UNC5C: variants seen among roughly 807,000 people sequenced by gnomAD.
UNC5C encodes unc-5 netrin receptor C, also known as netrin receptor UNC5C.
UNC5C carries 47 observed loss-of-function variants against 99.8 expected under a neutral mutation model. The ratio of observed to expected loss-of-function variants is 0.47; its 90% confidence interval spans 0.37 to 0.60. The LOEUF (loss-of-function observed/expected upper bound fraction) is 0.60. Among genes scored for constraint, UNC5C ranks in the 20% least tolerant of loss-of-function variants. UNC5C has a pLI of 0.00. For synonymous variants in UNC5C, 487 were observed against 452.2 expected, an observed-to-expected ratio of 1.08 and a Z score of -0.98; for missense variants, 1,062 against 1,165.9, an observed-to-expected ratio of 0.91 and a Z score of 1.30.
At chr4:95,373,854 A>G (rs1164570315) in intron 1 of UNC5C, among the ~76,000 whole-genome samples, 8 of 152,198 alleles carry the variant, frequency 5.3e-5, no homozygotes, top group Admixed American at 2.0e-4. Flanking sequence ...AGGAGTAAAA[A>G]TTATTTCATC....
chr4:95,192,742 CCT>C (rs1737204615), intron 12 of UNC5C, among the ~76,000 whole-genome samples: 1 of 152,058 alleles, frequency 6.6e-6, no homozygotes, highest in African/African-American at 2.4e-5. Flanking sequence ...CTCACCTCTT[CCT>C]CTGCTCACCC....
At chr4:95,271,869 G>A (rs1740679857) in intron 4 of UNC5C, among the ~76,000 whole-genome samples, 2 of 152,162 alleles carry the variant, frequency 1.3e-5, no homozygotes, top group Admixed American at 1.3e-4. Flanking sequence ...CTGACTGAAT[G>A]TCGTCCTGCC....
intron 1 of UNC5C, among the ~76,000 whole-genome samples, chr4:95,475,359 G>A (rs1441617773): frequency 6.6e-6 from 1 of 151,840 alleles, no homozygotes; most frequent in Non-Finnish European, 1.5e-5. Context: ...AATTGAAGTT[G>A]CTTCAATTTC....
At chr4:95,176,835 C>A (rs1341895772) in intron 14 of UNC5C, among the ~76,000 whole-genome samples, 2 of 152,256 alleles carry the variant, frequency 1.3e-5, no homozygotes, top group African/African-American at 4.8e-5. Flanking sequence ...GGGCCCCTCC[C>A]CCAGCCTCGC....
At chr4:95,299,407 G>A (rs1031745922) in intron 3 of UNC5C, among the ~76,000 whole-genome samples, 14 of 152,172 alleles carry the variant, frequency 9.2e-5, no homozygotes, top group Admixed American at 7.2e-4. Flanking sequence ...CATCCAATCC[G>A]TGGTGTTTTA....
intron 1 of UNC5C, among the ~76,000 whole-genome samples, chr4:95,360,414 G>A (rs577959209): frequency 9.9e-5 from 15 of 152,224 alleles, no homozygotes; most frequent in African/African-American, 3.6e-4. Context: ...ATAACCAGTT[G>A]GAGAATTGTT....
At chr4:95,468,999 T>G (rs1245537061) in intron 1 of UNC5C, among the ~76,000 whole-genome samples, 1 of 152,180 alleles carries the variant, frequency 6.6e-6, no homozygotes, top group Admixed American at 6.6e-5. Context: ...GATGTTTTTC[T>G]TTTTCCTTCA....
chr4:95,232,324 C>T (rs992119556), intron 7 of UNC5C, among the ~76,000 whole-genome samples: 5 of 151,398 alleles, frequency 3.3e-5, no homozygotes, highest in African/African-American at 7.3e-5. Context: ...ACTCTATCCC[C>T]GTCAATGCTT....
chr4:95,357,590 C>A (rs1445689094), intron 1 of UNC5C, among the ~76,000 whole-genome samples: 1 of 152,000 alleles, frequency 6.6e-6, no homozygotes. Context: ...CGAGGTCAGC[C>A]TGATCAACAT....
chr4:95,424,722 A>T (rs1746426572), intron 1 of UNC5C, among the ~76,000 whole-genome samples: 1 of 151,558 alleles, frequency 6.6e-6, no homozygotes, highest in Non-Finnish European at 1.5e-5. Context: ...ACCAGGTTTC[A>T]CTGTGTTAGC....
intron 1 of UNC5C, among the ~76,000 whole-genome samples, chr4:95,534,606 T>C (rs1722729513): frequency 6.6e-6 from 1 of 152,126 alleles, no homozygotes. Context: ...AGAACTATGA[T>C]CTTTGGATAT....
intron 4 of UNC5C, among the ~76,000 whole-genome samples, chr4:95,270,911 TTTC>T (rs1455538224): frequency 3.9e-5 from 6 of 152,212 alleles, no homozygotes; most frequent in Non-Finnish European, 7.3e-5. Flanking sequence ...ACTCTCAGCC[TTTC>T]TTCTTATTTA....
In UNC5C at chr4:95,165,032, AAGC is replaced by A. The variant is rs1268325624; in HGVS notation, c.*4199_*4201del. 1 of 152,252 alleles carries A rather than the reference AAGC, an allele frequency of 6.6e-6. No homozygotes were observed. The highest frequency in any genetic ancestry group is 1.9e-4 in the East Asian group (1 of 5,200). The allele number at this position is 152,252 out of a possible 1,614,324, so 9.4% of individuals were successfully genotyped here. ...CTGCATACGTGGATTACAGAGGAGT[AAGC>A]AGACCAAGAGCACAGCTGCTGTGAT... On this transcript the variant is annotated 3_prime_UTR_variant, in exon 16 of 16. Coordinates refer to ENST00000453304, the MANE Select transcript of UNC5C (RefSeq NM_003728.4).
chr4:95,173,289 T>C (rs1355546557), intron 14 of UNC5C, among the ~76,000 whole-genome samples: 1 of 129,524 alleles, frequency 7.7e-6, no homozygotes. Flanking sequence ...TGAATAGGAG[T>C]GGTGAGAGAG....
chr4:95,320,902 C>G (rs186225973), intron 2 of UNC5C, among the ~76,000 whole-genome samples: 18 of 152,240 alleles, frequency 1.2e-4, no homozygotes, highest in African/African-American at 4.1e-4. Flanking sequence ...AGTAACCTTG[C>G]CCTAAGTGTT....
intron 1 of UNC5C, among the ~76,000 whole-genome samples, chr4:95,435,396 A>G (rs914863191): frequency 2.6e-5 from 4 of 152,064 alleles, no homozygotes; most frequent in Non-Finnish European, 5.9e-5. Flanking sequence ...AGAAAGTTAG[A>G]GTGCCTGTCT....
intron 15 of UNC5C, among the ~76,000 whole-genome samples, chr4:95,169,706 G>C (rs1736011290): frequency 1.3e-5 from 2 of 152,144 alleles, no homozygotes; most frequent in African/African-American, 4.8e-5. Flanking sequence ...GATGATCTTT[G>C]ACAGGTCATG....
intron 14 of UNC5C, among the ~76,000 whole-genome samples, chr4:95,181,608 G>A (rs1736614721): frequency 6.6e-6 from 1 of 152,180 alleles, no homozygotes; most frequent in African/African-American, 2.4e-5. Context: ...GTGCCTGGGA[G>A]ATAGGGCTGC....
intron 1 of UNC5C, among the ~76,000 whole-genome samples, chr4:95,426,060 G>C (rs564151868): frequency 6.6e-6 from 1 of 152,162 alleles, no homozygotes; most frequent in East Asian, 1.9e-4. Flanking sequence ...TGTATTTGCA[G>C]ATATTGCATT....
Sources: allele counts gnomAD v4.1 joint callset (sites outside exome capture counted in the v4.1 genomes callset), GRCh38; gene constraint gnomAD v4.1.1; transcripts MANE v1.5; gene names NCBI Gene and HGNC (gene_info 2026-07-23, HGNC 2026-07-21).